The following DDX10 variants were observed in gnomAD, a reference collection of about 807,000 sequenced individuals.
DDX10 encodes DEAD-box helicase 10, also known as probable ATP-dependent RNA helicase DDX10.
DDX10 carries 74 observed loss-of-function variants against 104.3 expected under a neutral mutation model. The observed-to-expected ratio is 0.71, with a 90% confidence interval of 0.59 to 0.86. The LOEUF (loss-of-function observed/expected upper bound fraction) is 0.86, where lower values mean the gene tolerates loss of function less well. Ranked by LOEUF, DDX10 falls within the 40% of genes least tolerant of loss-of-function variation. The probability of loss-of-function intolerance (pLI) is 0.00; values close to 1 mark genes in which losing one functional copy is unlikely to be tolerated. For missense variants in DDX10, 952 were observed against 1,040.0 expected, an observed-to-expected ratio of 0.92 and a Z score of 1.16; for synonymous variants, 351 against 353.4, an observed-to-expected ratio of 0.99 and a Z score of 0.08.
intron 16 of DDX10, among the ~76,000 whole-genome samples, chr11:108,905,532 T>G (rs867623838): frequency 3.3e-5 from 5 of 152,180 alleles, no homozygotes; most frequent in Admixed American, 1.3e-4. Flanking sequence ...CATAGTGATG[T>G]ATCCATCGTA....
At chr11:108,752,962 A>G (rs539026795) in intron 13 of DDX10, among the ~76,000 whole-genome samples, 1 of 152,206 alleles carries the variant, frequency 6.6e-6, no homozygotes, top group South Asian at 2.1e-4. Flanking sequence ...CCTGACATGT[A>G]ATATGTGCTA....
intron 16 of DDX10, among the ~76,000 whole-genome samples, chr11:108,881,556 T>A (rs1057487907): frequency 6.6e-6 from 1 of 152,212 alleles, no homozygotes; most frequent in Non-Finnish European, 1.5e-5. Flanking sequence ...CCACATTCAG[T>A]AGAAGCCATG....
intron 13 of DDX10, among the ~76,000 whole-genome samples, chr11:108,805,937 A>G (rs1233447176): frequency 6.6e-6 from 1 of 152,116 alleles, no homozygotes; most frequent in Admixed American, 6.5e-5. Flanking sequence ...TTGTTTACAC[A>G]TTTTAAACTT....
intron 13 of DDX10, among the ~76,000 whole-genome samples, chr11:108,818,147 C>G (rs1425427251): frequency 1.3e-5 from 2 of 152,208 alleles, no homozygotes; most frequent in Admixed American, 1.3e-4. Context: ...CCTGCCCTCA[C>G]CAGTGGACAT....
intron 13 of DDX10, among the ~76,000 whole-genome samples, chr11:108,775,187 A>G (rs1345413293): frequency 6.6e-6 from 1 of 152,248 alleles, no homozygotes; most frequent in African/African-American, 2.4e-5. Flanking sequence ...AGTGAAATGA[A>G]GGAAACATTG....
chr11:108,841,174 A>G, intron 14 of DDX10, 141 bp from the exon 15 acceptor site: 1 of 664,440 alleles, frequency 1.5e-6, no homozygotes, highest in Non-Finnish European at 2.6e-6. Context: ...CTTGAAGTTG[A>G]TTAGAAGATT....
intron 16 of DDX10, among the ~76,000 whole-genome samples, chr11:108,896,158 A>G (rs1863437999): frequency 6.6e-6 from 1 of 152,182 alleles, no homozygotes; most frequent in Non-Finnish European, 1.5e-5. Context: ...TTACTTACAT[A>G]CATCTACTAT....
At chr11:108,678,695 T>G (rs1425682373) in intron 5 of DDX10, among the ~76,000 whole-genome samples, 1 of 152,136 alleles carries the variant, frequency 6.6e-6, no homozygotes, top group Non-Finnish European at 1.5e-5. Context: ...TTTTAACACC[T>G]GCTTCTAATA....
chr11:108,917,818 G>T, intron 16 of DDX10, 55 bp from the exon 17 acceptor site: 2 of 1,580,852 alleles, frequency 1.3e-6, no homozygotes, highest in South Asian at 2.3e-5. Flanking sequence ...AATAAAACCT[G>T]ATTATTTATC....
chr11:108,666,303 C>G (rs2094210054), intron 1 of DDX10, among the ~76,000 whole-genome samples: 1 of 152,088 alleles, frequency 6.6e-6, no homozygotes, highest in Non-Finnish European at 1.5e-5. Flanking sequence ...CATGGTGAAA[C>G]CCCGCCTCTA....
At chr11:108,879,685 C>A (rs776895311) in intron 16 of DDX10, among the ~76,000 whole-genome samples, 5 of 152,168 alleles carry the variant, frequency 3.3e-5, no homozygotes, top group Non-Finnish European at 7.3e-5. Context: ...TGGCCCTAAT[C>A]TGATGACTCT....
intron 13 of DDX10, among the ~76,000 whole-genome samples, chr11:108,814,033 G>A (rs1862222247): frequency 6.6e-6 from 1 of 152,116 alleles, no homozygotes; most frequent in Non-Finnish European, 1.5e-5. Flanking sequence ...ATATCTGGTG[G>A]TGTCAATTTG....
chr11:108,727,641 T>C (rs921603747), intron 13 of DDX10: 4 of 153,144 alleles, frequency 2.6e-5, no homozygotes, highest in South Asian at 2.1e-4. Flanking sequence ...AATCAATTAA[T>C]AGCTAATTTA....
At position 108,706,224 on chromosome 11, in the gene DDX10, G is replaced by A. The variant is rs181710732; in HGVS notation, c.1224-515G>A. On this transcript the variant is annotated intron_variant, in intron 9 of 17. Transcript: ENST00000322536. The stretch of plus-strand genomic sequence containing the variant: ...TGACCTCGGGTTATTCACCCGCCTC[G>A]GCCTCCCAAAGTGCTGGAATTACAT... Among the ~76,000 whole-genome samples the A allele has an allele frequency of 7.6e-4, 116 of 152,062 alleles. 1 individual carries two copies. Among genetic ancestry groups the A allele is most frequent in the South Asian group, 3.1e-3 (15 of 4,806 alleles).
intron 16 of DDX10, among the ~76,000 whole-genome samples, chr11:108,870,381 C>T (rs1342325903): frequency 5.9e-5 from 9 of 152,270 alleles, no homozygotes; most frequent in African/African-American, 2.2e-4. Flanking sequence ...GTTCAGACCC[C>T]CATCCTTTAA....
At chr11:108,827,695 T>A (rs2134583705) in intron 13 of DDX10, among the ~76,000 whole-genome samples, 1 of 152,270 alleles carries the variant, frequency 6.6e-6, no homozygotes, top group African/African-American at 2.4e-5. Context: ...ATTGTACCCT[T>A]CCCTTGCATT....
chr11:108,726,066 T>A (rs1223433836), intron 13 of DDX10, among the ~76,000 whole-genome samples: 2 of 152,062 alleles, frequency 1.3e-5, no homozygotes, highest in African/African-American at 4.8e-5. Context: ...TTACCTTGAC[T>A]CTTTGAAAGT....
At chr11:108,891,851 C>T (rs1009224826) in intron 16 of DDX10, among the ~76,000 whole-genome samples, 1 of 151,688 alleles carries the variant, frequency 6.6e-6, no homozygotes, top group Admixed American at 6.6e-5. Flanking sequence ...GGGAGGGCAC[C>T]GGGAAGAGTG....
intron 9 of DDX10, 123 bp from the exon 10 acceptor site, chr11:108,706,616 A>C: frequency 2.7e-6 from 2 of 732,928 alleles, no homozygotes; most frequent in Admixed American, 2.1e-5. Flanking sequence ...AGAGATTAAA[A>C]GCCAGTCTCT....
Sources: gnomAD v4.1 joint callset for allele counts (sites outside exome capture counted in the v4.1 genomes callset) on GRCh38, gnomAD v4.1.1 for gene constraint, MANE v1.5 for transcripts, NCBI Gene and HGNC (gene_info 2026-07-23, HGNC 2026-07-21) for gene names.